ZNF385D: variants seen among roughly 807,000 people sequenced by gnomAD.
The protein encoded by ZNF385D is zinc finger protein 385D, also known as zinc finger protein 659.
In ZNF385D, 15 loss-of-function variants were observed where a neutral mutation model predicts 35.8. The observed-to-expected ratio is 0.42, with a 90% CI of 0.28 to 0.64. ZNF385D has a LOEUF of 0.64. ZNF385D is among the 30% of genes least tolerant of loss of function. The probability of loss-of-function intolerance (pLI) is 0.23; values close to 1 mark genes in which losing one functional copy is unlikely to be tolerated. For missense variants in ZNF385D, 474 were observed against 494.6 expected, an observed-to-expected ratio of 0.96 and a Z score of 0.39; for synonymous variants, 212 against 186.8, an observed-to-expected ratio of 1.13 and a Z score of -1.10.
At chr3:21,821,776 C>G (rs1272617715) in intron 3 of ZNF385D, among the ~76,000 whole-genome samples, 1 of 151,954 alleles carries the variant, frequency 6.6e-6, no homozygotes, top group Non-Finnish European at 1.5e-5. Context: ...GACTGAGCAA[C>G]ACAATGAGAA....
intron 2 of ZNF385D, among the ~76,000 whole-genome samples, chr3:21,634,342 GGAAA>G (rs536713226): frequency 3.5e-5 from 5 of 144,098 alleles, no homozygotes; most frequent in Non-Finnish European, 4.5e-5. Context: ...AAGGGAGAGA[GGAAA>G]GAAAGAAAAG....
At chr3:22,049,920 T>C (rs751955514) in intron 3 of ZNF385D, among the ~76,000 whole-genome samples, 1 of 152,214 alleles carries the variant, frequency 6.6e-6, no homozygotes, top group Non-Finnish European at 1.5e-5. Context: ...TTGAGGAATT[T>C]TGCATCTATG....
At chr3:21,818,521 A>G (rs1389641523) in intron 3 of ZNF385D, among the ~76,000 whole-genome samples, 1 of 152,200 alleles carries the variant, frequency 6.6e-6, no homozygotes, top group African/African-American at 2.4e-5. Context: ...TAATTTTTAA[A>G]TAAAAAGCCT....
At chr3:21,775,454 G>C (rs1158197653) in intron 3 of ZNF385D, among the ~76,000 whole-genome samples, 1 of 151,790 alleles carries the variant, frequency 6.6e-6, no homozygotes, top group Non-Finnish European at 1.5e-5. Context: ...AGGAGGGCTT[G>C]GAAAGTACTG....
Position 21,482,163 on chromosome 3 carries a change from C to T in ZNF385D, c.439+28698G>A, listed in dbSNP as rs79853334. 6.3e-3 allele frequency among the ~76,000 whole-genome samples: 959 copies of T among 152,164 alleles called. 10 individuals are homozygous for T. The highest frequency in any genetic ancestry group is 0.021 in the African/African-American group (883 of 41,518). On this transcript the variant is annotated intron_variant, in intron 4 of 7. Transcript: ENST00000281523. ...GTCTGGGCTCTTTTGTTTATGAATT[C>T]TGAGTATGACTGTAAAAACTCATGG...
At chr3:21,963,126 T>C (rs1245886817) in intron 3 of ZNF385D, among the ~76,000 whole-genome samples, 1 of 152,240 alleles carries the variant, frequency 6.6e-6, no homozygotes, top group Non-Finnish European at 1.5e-5. Flanking sequence ...TAATACAATT[T>C]TCCTGTACAT....
At chr3:21,761,869 CTTTTTTTTTTTTTT>C (rs58790934) in intron 3 of ZNF385D, among the ~76,000 whole-genome samples, 1 of 77,190 alleles carries the variant, frequency 1.3e-5, no homozygotes, top group African/African-American at 5.6e-5. Flanking sequence ...CATTTTCTTC[CTTTTTTTTTTTTTT>C]TTTTTTTTTT....
chr3:21,802,475 C>A (rs1356103), intron 3 of ZNF385D, among the ~76,000 whole-genome samples: 23,858 of 152,010 alleles, frequency 0.16, 2,082 homozygotes, highest in Non-Finnish European at 0.19. Context: ...ACAGACATCT[C>A]CAAGTAAATA....
intron 2 of ZNF385D, among the ~76,000 whole-genome samples, chr3:21,650,142 G>A (rs577751066): frequency 5.6e-4 from 85 of 152,222 alleles, no homozygotes; most frequent in African/African-American, 2.0e-3. Flanking sequence ...AAAAACTGAA[G>A]ATATGGAAAA....
At position 21,486,995 on chromosome 3, in the gene ZNF385D, T is replaced by C. The variant is rs551967146; in HGVS notation, c.439+23866A>G. On this transcript the variant is annotated intron_variant, in intron 4 of 7. Transcript: ENST00000281523. ...GGCAGACAATGGCAAAACCGAAAAA[T>C]AAATGATTTACAAATGTAATGCAGG... is the stretch of plus-strand genomic sequence containing the variant. Among the ~76,000 whole-genome samples, 10 of 152,078 alleles carry C rather than the reference T, an allele frequency of 6.6e-5. No individual in the cohort carries two copies. In the East Asian group the frequency reaches 1.6e-3, roughly 24 times the overall value.
At chr3:21,431,613 T>G (rs2125218783) in intron 5 of ZNF385D, among the ~76,000 whole-genome samples, 1 of 152,264 alleles carries the variant, frequency 6.6e-6, no homozygotes, top group South Asian at 2.1e-4. Context: ...AGCTCCAATA[T>G]TCAAATATGC....
chr3:21,512,429 G>T (rs1707283651), intron 3 of ZNF385D, among the ~76,000 whole-genome samples: 1 of 152,034 alleles, frequency 6.6e-6, no homozygotes, highest in South Asian at 2.1e-4. Flanking sequence ...TAATCACATT[G>T]TCCTCTTCAT....
intron 3 of ZNF385D, among the ~76,000 whole-genome samples, chr3:21,968,934 T>C (rs937406185): frequency 2.0e-5 from 3 of 152,216 alleles, no homozygotes; most frequent in African/African-American, 7.2e-5. Flanking sequence ...CTCTGATTCC[T>C]GGCCAAGCTG....
chr3:21,877,118 A>G (rs1698021227), intron 3 of ZNF385D, among the ~76,000 whole-genome samples: 2 of 152,068 alleles, frequency 1.3e-5, no homozygotes, highest in South Asian at 4.1e-4. Context: ...AGTGACCTGT[A>G]CAGGAAAAAG....
intron 3 of ZNF385D, among the ~76,000 whole-genome samples, chr3:22,066,482 G>GTA (rs1277818607): frequency 6.7e-6 from 1 of 148,372 alleles, no homozygotes; most frequent in African/African-American, 2.5e-5. Flanking sequence ...GTGTGTGTGT[G>GTA]TGTGTGTGTG....
At chr3:22,296,026 C>G (rs1017923480) in intron 2 of ZNF385D, among the ~76,000 whole-genome samples, 1 of 152,114 alleles carries the variant, frequency 6.6e-6, no homozygotes, top group Admixed American at 6.5e-5. Flanking sequence ...ATAACCTTTG[C>G]ATGGCCCAGG....
At chr3:21,832,103 C>T (rs1295250185) in intron 3 of ZNF385D, among the ~76,000 whole-genome samples, 3 of 151,996 alleles carry the variant, frequency 2.0e-5, no homozygotes, top group Non-Finnish European at 4.4e-5. Flanking sequence ...GTATTTCTCT[C>T]ATCTCTCCTT....
intron 3 of ZNF385D, among the ~76,000 whole-genome samples, chr3:22,131,721 A>T (rs897948299): frequency 1.3e-5 from 2 of 152,202 alleles, no homozygotes; most frequent in African/African-American, 4.8e-5. Context: ...GAGATATCAC[A>T]GAGGGAGTTT....
intron 3 of ZNF385D, among the ~76,000 whole-genome samples, chr3:22,129,662 C>A (rs1035620212): frequency 1.3e-5 from 2 of 151,816 alleles, no homozygotes; most frequent in Non-Finnish European, 2.9e-5. Flanking sequence ...ATTCAAGACC[C>A]AAGGGCTCTT....
Sources: gnomAD v4.1 joint callset for allele counts (sites outside exome capture counted in the v4.1 genomes callset) on GRCh38, gnomAD v4.1.1 for gene constraint, MANE v1.5 for transcripts, NCBI Gene and HGNC (gene_info 2026-07-23, HGNC 2026-07-21) for gene names.